SEMA3A: variants seen among roughly 807,000 people sequenced by gnomAD.
The protein encoded by SEMA3A is semaphorin-3A.
A neutral mutation model predicts 97.9 loss-of-function variants in SEMA3A; 29 were observed. That is an observed-to-expected ratio of 0.30 (90% CI 0.22 to 0.40). The LOEUF is 0.40. SEMA3A is among the 10% of genes least tolerant of loss of function. The pLI is 1.00. For missense variants in SEMA3A, 763 were observed against 951.3 expected (o/e 0.80, Z 2.60); for synonymous variants, 321 against 323.7 (o/e 0.99, Z 0.09).
Position 84,136,269 on chromosome 7 carries a change from G to T in SEMA3A, c.113-1318C>A, listed in dbSNP as rs1796122003. Among the ~76,000 whole-genome samples, 4 of 152,110 alleles carry T rather than the reference G, an allele frequency of 2.6e-5. No individual in the cohort carries two copies. The South Asian group carries it at 8.3e-4, about 32-fold the overall frequency. ...CCTCTGTTCCAGCTATTAACATCAGGAAACATATATTAGCCATGTGATTGA... is the reference window on the plus strand; with the variant it reads ...CCTCTGTTCCAGCTATTAACATCAGTAAACATATATTAGCCATGTGATTGA... On this transcript the variant is annotated intron_variant, in intron 1 of 16. Coordinates refer to ENST00000265362, the MANE Select transcript of SEMA3A (RefSeq NM_006080.3).
At chr7:84,489,791 C>T (rs1806672271) in intron 1 of SEMA3A, among the ~76,000 whole-genome samples, 1 of 151,994 alleles carries the variant, frequency 6.6e-6, no homozygotes, top group African/African-American at 2.4e-5. Context: ...ATAATTCCTT[C>T]ACTATAAGTG....
chr7:84,256,732 A>C (rs1187539490), intron 3 of SEMA3A, among the ~76,000 whole-genome samples: 1 of 152,102 alleles, frequency 6.6e-6, no homozygotes, highest in East Asian at 1.9e-4. Flanking sequence ...GTGAGACGAC[A>C]TATGGTTAAC....
At chr7:84,321,853 C>A (rs568180164) in intron 2 of SEMA3A, among the ~76,000 whole-genome samples, 14 of 116,272 alleles carry the variant, frequency 1.2e-4, no homozygotes, top group Non-Finnish European at 1.8e-4. Context: ...TCCAGCCTGG[C>A]CGACAGAGCG....
chr7:84,155,579 T>C (rs1796822086), intron 1 of SEMA3A, among the ~76,000 whole-genome samples: 1 of 152,156 alleles, frequency 6.6e-6, no homozygotes, highest in South Asian at 2.1e-4. Context: ...CCAAATGCAG[T>C]GTTCTTGGCT....
intron 2 of SEMA3A, among the ~76,000 whole-genome samples, chr7:84,312,899 TATATATATATATATATATATATACACAC>T (rs1233290712): frequency 1.6e-5 from 1 of 62,892 alleles, no homozygotes; most frequent in South Asian, 6.5e-4. Context: ...TATATATATA[TATATATATATATATATATATATACACAC>T]ACACACACAC....
Position 84,351,597 on chromosome 7 carries a change from T to C in SEMA3A, c.-169+20227A>G, listed in dbSNP as rs146236814. The stretch of plus-strand genomic sequence containing the variant: ...TATTTTTCAAAAGAAGATATAAAAA[T>C]GGTAAACGTGTATATGAAAAAGTAC... On this transcript the variant is annotated intron_variant, in intron 2 of 3. Coordinates refer to the SEMA3A transcript ENST00000424555. 3.3e-5 allele frequency among the ~76,000 whole-genome samples: 5 copies of C among 152,080 alleles called. No individual in the cohort carries two copies. The East Asian group carries it at 9.6e-4, about 29-fold the overall frequency.
At chr7:84,239,457 G>T (rs1584156536) in intron 3 of SEMA3A, among the ~76,000 whole-genome samples, 1 of 152,118 alleles carries the variant, frequency 6.6e-6, no homozygotes, top group African/African-American at 2.4e-5. Flanking sequence ...AGAAATGGAA[G>T]ACATGGGTAA....
At chr7:84,174,564 CTT>C (rs1369985146) in intron 1 of SEMA3A, among the ~76,000 whole-genome samples, 1 of 152,106 alleles carries the variant, frequency 6.6e-6, no homozygotes, top group Non-Finnish European at 1.5e-5. Context: ...GAACTATTTA[CTT>C]TTGCAACAGT....
At position 84,434,826 on chromosome 7, in the gene SEMA3A, G is replaced by C. The variant is rs536350792; in HGVS notation, c.-246+57634C>G. ...AATCCAACATCCCAACATGATAAAA[G>C]CCCTCAACAAGCTAAGAATTGAAGG... On this transcript the variant is annotated intron_variant, in intron 1 of 3. Transcript: ENST00000424555. Among the ~76,000 whole-genome samples, 36 of 152,072 alleles carry C rather than the reference G, an allele frequency of 2.4e-4. No homozygotes were observed. The South Asian group carries it at 5.0e-3, about 21-fold the overall frequency.
At chr7:84,325,535 G>A (rs992732132) in intron 2 of SEMA3A, among the ~76,000 whole-genome samples, 1 of 152,018 alleles carries the variant, frequency 6.6e-6, no homozygotes, top group Middle Eastern at 3.4e-3. Context: ...GGAAGGCCAT[G>A]TGGCTGCAGT....
At chr7:84,047,910 T>TATGTCTCGCTTTG (rs1792418935) in intron 5 of SEMA3A, among the ~76,000 whole-genome samples, 1 of 151,994 alleles carries the variant, frequency 6.6e-6, no homozygotes, top group Non-Finnish European at 1.5e-5. Flanking sequence ...GTAGAACCTT[T>TATGTCTCGCTTTG]GTCTCGCTTA....
rs187639312 is a variant in SEMA3A at position 84,309,006 on chromosome 7, C to T, written c.-168-1714G>A. Among the ~76,000 whole-genome samples the T allele has an allele frequency of 4.2e-3, 633 of 151,868 alleles. 2 individuals are homozygous for T. The highest frequency in any genetic ancestry group is 0.014 in the African/African-American group (593 of 41,442). On this transcript the variant is annotated intron_variant, in intron 2 of 3. Coordinates refer to the SEMA3A transcript ENST00000424555. ...CTAACTTTTGTATTTTTAGTATAGA[C>T]GGGGTTTCATCATGTTGGCCATGCT...
At chr7:83,975,280 T>C (rs1050199775) in intron 15 of SEMA3A, among the ~76,000 whole-genome samples, 6 of 152,106 alleles carry the variant, frequency 3.9e-5, no homozygotes, top group African/African-American at 1.2e-4. Context: ...CAAATGAATA[T>C]GCCATTAAGA....
intron 6 of SEMA3A, among the ~76,000 whole-genome samples, chr7:84,024,358 T>G (rs1791462764): frequency 6.7e-6 from 1 of 149,996 alleles, no homozygotes; most frequent in South Asian, 2.1e-4. Flanking sequence ...CTGGCCAACA[T>G]GATGAAACCT....
In SEMA3A at chr7:84,039,787, A is replaced by G. The variant is rs184222201; in HGVS notation, c.667+6537T>C. On this transcript the variant is annotated intron_variant, in intron 6 of 16. Coordinates refer to ENST00000265362, the MANE Select transcript of SEMA3A (RefSeq NM_006080.3). ...CAACTTATAAAATTAAGCATAATCA[A>G]TAACTTTATTAAAATAAATTTTAAT... is the stretch of plus-strand genomic sequence containing the variant. Among the ~76,000 whole-genome samples the G allele has an allele frequency of 7.2e-5, 11 of 152,268 alleles. No individual in the cohort carries two copies. The East Asian group carries it at 2.1e-3, about 29-fold the overall frequency.
At chr7:84,101,148 A>G (rs929834881) in intron 4 of SEMA3A, among the ~76,000 whole-genome samples, 6 of 152,134 alleles carry the variant, frequency 3.9e-5, no homozygotes, top group African/African-American at 1.4e-4. Context: ...ACATCTTAGC[A>G]ATTTAGATTA....
Position 84,121,805 on chromosome 7 carries a change from A to AT in SEMA3A, c.333+7317dup, listed in dbSNP as rs1795625666. Among the ~76,000 whole-genome samples, 2 of 43,658 alleles carry AT rather than the reference A, an allele frequency of 4.6e-5. 1 individual carries two copies. The highest frequency in any genetic ancestry group is 1.5e-3 in the South Asian group (2 of 1,364). The allele number at this position is 43,658 out of a possible 152,430, so 28.6% of individuals were successfully genotyped here. A position where few individuals can be genotyped will look rare whatever the true frequency, so the allele number is the denominator to read the frequency against. ...AGGCGCCCGCCACTACGCCCGGCTA[A>AT]TTTTTTTGTATTTTTAGTAGAGACG... is the stretch of plus-strand genomic sequence containing the variant. On this transcript the variant is annotated intron_variant, in intron 3 of 16. Transcript: ENST00000265362.
At chr7:84,417,494 T>C (rs2116268699) in intron 1 of SEMA3A, among the ~76,000 whole-genome samples, 1 of 152,260 alleles carries the variant, frequency 6.6e-6, no homozygotes, top group South Asian at 2.1e-4. Flanking sequence ...ATGACGCGTT[T>C]GTTTCCATAT....
chr7:84,489,942 T>G (rs78072587), intron 1 of SEMA3A, among the ~76,000 whole-genome samples: 1 of 152,060 alleles, frequency 6.6e-6, no homozygotes, highest in Non-Finnish European at 1.5e-5. Context: ...AATTTTCATA[T>G]GTAATAAATA....
Sources: allele counts gnomAD v4.1 joint callset (sites outside exome capture counted in the v4.1 genomes callset), GRCh38; gene constraint gnomAD v4.1.1; transcripts MANE v1.5; gene names NCBI Gene and HGNC (gene_info 2026-07-23, HGNC 2026-07-21).